The following ELMO1 variants were observed in gnomAD, a reference collection of about 807,000 sequenced individuals.
ELMO1 encodes the protein engulfment and cell motility 1, also known as engulfment and cell motility protein 1.
In ELMO1, 26 loss-of-function variants were observed where a neutral mutation model predicts 98.9. The ratio of observed to expected loss-of-function variants is 0.26; its 90% CI spans 0.19 to 0.36. The LOEUF (loss-of-function observed/expected upper bound fraction) is 0.36. Among genes scored for constraint, ELMO1 ranks in the 10% least tolerant of loss-of-function variants. The pLI is 1.00. For synonymous variants in ELMO1, 346 were observed against 346.0 expected (o/e 1.00, Z 0.00); for missense variants, 627 against 935.2 (o/e 0.67, Z 4.30).
intron 4 of ELMO1, among the ~76,000 whole-genome samples, chr7:37,305,010 G>T (rs1378606625): frequency 1.3e-5 from 2 of 152,094 alleles, no homozygotes; most frequent in Non-Finnish European, 2.9e-5. Flanking sequence ...TATCGGCAAG[G>T]TTTCTAAGTC....
At chr7:37,092,363 A>ATTTTTTTTTTTTTTTTTTTT (rs1784145396) in intron 15 of ELMO1, among the ~76,000 whole-genome samples, 1 of 65,416 alleles carries the variant, frequency 1.5e-5, no homozygotes, top group Non-Finnish European at 3.4e-5. Context: ...AATTACCCAT[A>ATTTTTTTTTTTTTTTTTTTT]TTCTTTTTTT....
chr7:36,942,611 A>G (rs1787137833), intron 16 of ELMO1, among the ~76,000 whole-genome samples: 1 of 152,230 alleles, frequency 6.6e-6, no homozygotes, highest in African/African-American at 2.4e-5. Context: ...CATAAAAACC[A>G]TAGATTTGCA....
intron 15 of ELMO1, among the ~76,000 whole-genome samples, chr7:37,052,870 C>A (rs1383357334): frequency 6.6e-6 from 1 of 152,106 alleles, no homozygotes; most frequent in Non-Finnish European, 1.5e-5. Flanking sequence ...AGGAGAGCAC[C>A]AACCCCCCAG....
chr7:36,864,818 T>G (rs73335925), intron 20 of ELMO1, among the ~76,000 whole-genome samples: 4,775 of 152,280 alleles, frequency 0.031, 264 homozygotes, highest in African/African-American at 0.11. Context: ...CTGGATTTAG[T>G]GCAGTGAAAA....
At chr7:37,158,754 C>G (rs1239141215) in intron 13 of ELMO1, among the ~76,000 whole-genome samples, 1 of 152,170 alleles carries the variant, frequency 6.6e-6, no homozygotes, top group African/African-American at 2.4e-5. Context: ...GGCGATTCCT[C>G]AAGAATCTAG....
At chr7:37,363,284 T>G (rs568830025) in intron 1 of ELMO1, among the ~76,000 whole-genome samples, 6 of 152,238 alleles carry the variant, frequency 3.9e-5, no homozygotes, top group African/African-American at 1.2e-4. Context: ...ATTTCCCACC[T>G]GGGCTCTTGC....
At chr7:37,405,473 T>C (rs1465529493) in intron 1 of ELMO1, among the ~76,000 whole-genome samples, 1 of 152,248 alleles carries the variant, frequency 6.6e-6, no homozygotes, top group African/African-American at 2.4e-5. Context: ...CACACTTCCG[T>C]GTGCTTTAAC....
intron 14 of ELMO1, among the ~76,000 whole-genome samples, chr7:37,106,024 T>C (rs1023121939): frequency 1.3e-5 from 2 of 152,220 alleles, no homozygotes; most frequent in Non-Finnish European, 2.9e-5. Context: ...AATTTTATGG[T>C]ATATGCACTT....
Position 37,175,300 on chromosome 7 carries a change from A to G in ELMO1, c.1086+36086T>C, listed in dbSNP as rs765279322. Among the ~76,000 whole-genome samples, 76 of 152,230 alleles carry G rather than the reference A, an allele frequency of 5.0e-4. 1 individual carries two copies. Among genetic ancestry groups the G allele is most frequent in the Non-Finnish European group, 1.0e-3 (68 of 68,034 alleles). Reference sequence around the variant, plus strand: ...TTCACTACTACCAACACCTTGTGCAATGCAAATTAGTCACTACCAAATCTC... The same window carrying G: ...TTCACTACTACCAACACCTTGTGCAGTGCAAATTAGTCACTACCAAATCTC... On this transcript the variant is annotated intron_variant, in intron 13 of 21. Transcript: ENST00000310758.
intron 13 of ELMO1, among the ~76,000 whole-genome samples, chr7:37,166,249 C>G (rs1789681688): frequency 1.3e-5 from 2 of 152,124 alleles, no homozygotes; most frequent in African/African-American, 4.8e-5. Flanking sequence ...ATTAGTCTTG[C>G]TAGCGGTCAA....
intron 13 of ELMO1, among the ~76,000 whole-genome samples, chr7:37,161,801 G>A (rs1359997276): frequency 6.7e-6 from 1 of 148,678 alleles, no homozygotes; most frequent in Non-Finnish European, 1.5e-5. Context: ...GGTGATCAAT[G>A]CAACATTCAA....
At chr7:37,070,313 T>C (rs901726923) in intron 15 of ELMO1, among the ~76,000 whole-genome samples, 4 of 152,178 alleles carry the variant, frequency 2.6e-5, no homozygotes, top group Admixed American at 1.3e-4. Flanking sequence ...GGGAGTGTGA[T>C]TAAACAGACG....
At chr7:37,251,268 G>C (rs1485613826) in intron 6 of ELMO1, among the ~76,000 whole-genome samples, 1 of 151,942 alleles carries the variant, frequency 6.6e-6, no homozygotes, top group Non-Finnish European at 1.5e-5. Flanking sequence ...TATTCCTTTT[G>C]TTGCTCAGGC....
At chr7:36,868,855 T>C (rs1803267836) in intron 20 of ELMO1, among the ~76,000 whole-genome samples, 1 of 152,176 alleles carries the variant, frequency 6.6e-6, no homozygotes, top group South Asian at 2.1e-4. Flanking sequence ...TATTGCCAAT[T>C]TCTCCACACT....
chr7:37,049,117 GA>G lies in ELMO1; in HGVS notation c.1301-35683del, dbSNP rs1335814629. Among the ~76,000 whole-genome samples, 7 of 152,126 alleles carry G rather than the reference GA, an allele frequency of 4.6e-5. 1 individual carries two copies. The highest frequency in any genetic ancestry group is 1.7e-4 in the African/African-American group (7 of 41,428). Reference sequence around the variant, plus strand: ...CTGGAATGGGAAGGCCATGTTTTAAGAGCGACCACCCTGTTAATGTTTGTCT... The same window carrying G: ...CTGGAATGGGAAGGCCATGTTTTAAGGCGACCACCCTGTTAATGTTTGTCT... On this transcript the variant is annotated intron_variant, in intron 15 of 21. Transcript: ENST00000310758.
At chr7:37,031,819 C>G (rs1210866962) in intron 15 of ELMO1, among the ~76,000 whole-genome samples, 1 of 152,116 alleles carries the variant, frequency 6.6e-6, no homozygotes, top group East Asian at 1.9e-4. Flanking sequence ...TTATTCTTCT[C>G]CTCACATTGA....
chr7:37,258,565 G>A (rs1562561057), intron 6 of ELMO1, among the ~76,000 whole-genome samples: 2 of 152,182 alleles, frequency 1.3e-5, no homozygotes, highest in Non-Finnish European at 2.9e-5. Context: ...TGGAAGGCAA[G>A]CTCGTAAGAA....
intron 16 of ELMO1, among the ~76,000 whole-genome samples, chr7:36,965,657 A>C (rs1395907326): frequency 1.3e-5 from 2 of 152,218 alleles, no homozygotes; most frequent in Non-Finnish European, 2.9e-5. Context: ...GTCTCTAATC[A>C]GTACTGAAAA....
intron 13 of ELMO1, among the ~76,000 whole-genome samples, chr7:37,163,802 G>C (rs1311711301): frequency 4.6e-5 from 7 of 152,162 alleles, no homozygotes; most frequent in Non-Finnish European, 8.8e-5. Flanking sequence ...AAACATACGT[G>C]TGCATGTGTC....
Sources: gnomAD v4.1 joint callset for allele counts (sites outside exome capture counted in the v4.1 genomes callset) on GRCh38, gnomAD v4.1.1 for gene constraint, MANE v1.5 for transcripts, NCBI Gene and HGNC (gene_info 2026-07-23, HGNC 2026-07-21) for gene names.